PAK3: variants seen among roughly 807,000 people sequenced by gnomAD.
The protein encoded by PAK3 is p21 (RAC1) activated kinase 3.
PAK3 carries 4 observed loss-of-function variants against 41.0 expected under a neutral mutation model. The observed-to-expected ratio is 0.10, with a 90% CI of 0.05 to 0.22. The LOEUF is 0.22. Ranked by LOEUF, PAK3 falls within the 10% of genes least tolerant of loss-of-function variation. PAK3 has a pLI of 1.00. For missense variants in PAK3, 205 were observed against 409.9 expected, an observed-to-expected ratio of 0.50 and a Z score of 4.32; for synonymous variants, 146 against 139.6, an observed-to-expected ratio of 1.05 and a Z score of -0.32.
At chrX:111,192,805 T>A (rs2094572465) in intron 13 of PAK3, among the ~76,000 whole-genome samples, 187 bp downstream of exon 13, 1 of 112,271 alleles carries the variant, frequency 8.9e-6, no homozygotes, top group Non-Finnish European at 1.9e-5. Context: ...ATCAGACACT[T>A]GAAGAAACAT....
At chrX:111,027,469 G>A (rs1037133972) in intron 1 of PAK3, among the ~76,000 whole-genome samples, 6 of 110,921 alleles carry the variant, frequency 5.4e-5, no homozygotes, top group African/African-American at 2.0e-4. Context: ...ACAAATCAGC[G>A]AGAAAAAAAC....
chrX:111,035,711 TG>T (rs2092393581), intron 1 of PAK3, among the ~76,000 whole-genome samples: 2 of 112,676 alleles, frequency 1.8e-5, no homozygotes, highest in Non-Finnish European at 3.7e-5. Flanking sequence ...AACTCTGTGT[TG>T]GCACCATGTT....
At position 111,195,852 on chromosome X, in the gene PAK3, C is replaced by T; in HGVS notation, c.1121C>T (p.Ala374Val). The T allele has an allele frequency of 8.6e-7, 1 of 1,167,879 alleles. No individual in the cohort carries two copies. The highest frequency in any genetic ancestry group is 1.2e-6 in the Non-Finnish European group (1 of 856,114). ...IAAVCRECLQ[A>V]LDFLHSNQVI... ...TTTCTGATTTAATAGTGCCTGCAAG[C>T]TTTGGATTTCCTGCACTCAAACCAG... Residue 374 changes from alanine to valine, a missense_variant, in exon 15 of 18, where the codon GCT becomes GTT. Ala to Val is a moderately conservative substitution (Grantham distance 64). Transcript: ENST00000372007.
chrX:111,178,978 T>TAGAGAGAGAGAGAG (rs1278340574), intron 11 of PAK3, among the ~76,000 whole-genome samples: 14 of 92,565 alleles, frequency 1.5e-4, no homozygotes, highest in African/African-American at 5.8e-4. Context: ...TATATATATA[T>TAGAGAGAGAGAGAG]ATAGAGAGAG....
chrX:110,990,235 T>A (rs1320993164), intron 1 of PAK3, among the ~76,000 whole-genome samples: 1 of 112,048 alleles, frequency 8.9e-6, no homozygotes, highest in Non-Finnish European at 1.9e-5. Flanking sequence ...CTGTCTCTCT[T>A]GTGTCTCAGA....
In PAK3 at chrX:111,220,362, C is replaced by A. The variant is rs1013735234; in HGVS notation, c.1550C>A (p.Pro517Gln). 1 of 1,176,966 alleles carries A rather than the reference C, an allele frequency of 8.5e-7. No homozygotes were observed. The highest frequency in any genetic ancestry group is 1.2e-6 in the Non-Finnish European group (1 of 865,754). The change falls in exon 18 of 18, where the codon CCA becomes CAA. Residue 517 changes from proline (P) to glutamine (Q), a missense_variant. By Grantham distance (76) the Pro-to-Gln change is moderately conservative. This residue lies in a region of PAK3 where 40 missense variants were observed against 54.4 expected (regional missense o/e 0.74). Coordinates refer to ENST00000372007, the MANE Select transcript of PAK3 (RefSeq NM_002578.5). ...TCTTTTTCCTTCCTTTTGCAGCATC[C>A]ATTTTTAAAATTAGCCAAGCCTCTC... ...RGSAKELLQH[P>Q]FLKLAKPLSS... is the part of the protein sequence containing the mutation.
At chrX:111,132,838 G>T (rs1301407827) in intron 5 of PAK3, among the ~76,000 whole-genome samples, 1 of 111,578 alleles carries the variant, frequency 9.0e-6, no homozygotes, top group Non-Finnish European at 1.9e-5. Context: ...TACTACATAT[G>T]AGACAAGGTT....
upstream of PAK3, among the ~76,000 whole-genome samples, chrX:111,091,697 C>T (rs2148857775): frequency 8.9e-6 from 1 of 111,780 alleles, no homozygotes; most frequent in African/African-American, 3.3e-5. Context: ...CACAGAAGAG[C>T]TTGAGACCCC....
intron 1 of PAK3, among the ~76,000 whole-genome samples, chrX:111,072,950 A>G (rs1358107850): frequency 8.9e-6 from 1 of 111,773 alleles, no homozygotes; most frequent in African/African-American, 3.3e-5. Context: ...GGGCATTCCT[A>G]CCCTTCTATG....
chrX:111,211,675 A>C (rs1272464858), intron 16 of PAK3, among the ~76,000 whole-genome samples: 1 of 76,297 alleles, frequency 1.3e-5, no homozygotes, highest in Admixed American at 1.3e-4. Context: ...ACTTTGTCTC[A>C]AAAAAAAAAA....
chrX:111,066,958 C>T (rs1444838677), intron 1 of PAK3, among the ~76,000 whole-genome samples: 5 of 111,490 alleles, frequency 4.5e-5, no homozygotes, highest in African/African-American at 1.6e-4. Context: ...CTATCATGTA[C>T]CCTAATAAGT....
chrX:111,190,760 G>A (rs2094553717), intron 11 of PAK3, among the ~76,000 whole-genome samples: 1 of 111,588 alleles, frequency 9.0e-6, no homozygotes, highest in African/African-American at 3.3e-5. Context: ...AATAATTCCT[G>A]GACTCAGAAA....
chrX:111,165,049 G>C (rs189073020), intron 10 of PAK3, among the ~76,000 whole-genome samples: 9 of 111,215 alleles, frequency 8.1e-5, no homozygotes, highest in African/African-American at 2.9e-4. Flanking sequence ...ATGGGTAGAG[G>C]CTAAGGATGC....
At chrX:111,118,727 T>G (rs1194915788) in intron 4 of PAK3, among the ~76,000 whole-genome samples, 1 of 111,243 alleles carries the variant, frequency 9.0e-6, no homozygotes, top group Non-Finnish European at 1.9e-5. Flanking sequence ...ATTGGAAAAA[T>G]ATAAAAATAA....
rs189112662 is a variant in PAK3, at chrX:111,165,751, T to G, written c.766+2024T>G. Among the ~76,000 whole-genome samples, 8 of 111,385 alleles carry G rather than the reference T, an allele frequency of 7.2e-5. No individual in the cohort carries two copies. In the East Asian group the frequency reaches 2.3e-3, roughly 31 times the overall value. On this transcript the variant is annotated intron_variant, in intron 10 of 17. Coordinates refer to ENST00000372007, the MANE Select transcript of PAK3 (RefSeq NM_002578.5). ...AAATGACTCTTATTTGGTATCTGTT[T>G]CAAATCTCAATAGATGTATTACAAC... is the stretch of plus-strand genomic sequence containing the variant.
chrX:111,033,074 A>G (rs1056581094), intron 1 of PAK3, among the ~76,000 whole-genome samples: 2 of 111,593 alleles, frequency 1.8e-5, no homozygotes, highest in African/African-American at 6.5e-5. Flanking sequence ...TCCCAAATCT[A>G]TAGAGTGAAA....
intron 5 of PAK3, among the ~76,000 whole-genome samples, chrX:111,137,677 A>G (rs1161144208): frequency 2.7e-5 from 3 of 111,831 alleles, no homozygotes; most frequent in African/African-American, 9.8e-5. Context: ...ATAGAGAAAG[A>G]TGTCAGGATG....
intron 10 of PAK3, among the ~76,000 whole-genome samples, chrX:111,171,742 A>G (rs1472043718): frequency 1.8e-5 from 2 of 111,608 alleles, no homozygotes; most frequent in Admixed American, 9.5e-5. Context: ...CTAACAAGTA[A>G]GAGGTAAAAG....
At chrX:111,056,436 G>C (rs181647785) in intron 1 of PAK3, among the ~76,000 whole-genome samples, 1 of 112,124 alleles carries the variant, frequency 8.9e-6, no homozygotes, top group African/African-American at 3.2e-5. Flanking sequence ...TTGTTGTCAA[G>C]CTTTTGCATT....
Sources: allele counts gnomAD v4.1 joint callset (sites outside exome capture counted in the v4.1 genomes callset), GRCh38; gene constraint gnomAD v4.1.1; regional missense constraint gnomAD v4.1.1; transcripts MANE v1.5; gene names NCBI Gene and HGNC (gene_info 2026-07-23, HGNC 2026-07-21).